The following ADARB2 variants were observed in gnomAD, a reference collection of about 807,000 sequenced individuals.
ADARB2 encodes the protein adenosine deaminase RNA specific B2 (inactive), also known as inactive double-stranded RNA-specific editase B2.
In ADARB2, 25 loss-of-function variants were observed where a neutral mutation model predicts 62.2. That is an observed-to-expected ratio of 0.40 (90% CI 0.29 to 0.56). The LOEUF is 0.56. Ranked by LOEUF, ADARB2 falls within the 20% of genes least tolerant of loss-of-function variation. ADARB2 has a pLI of 0.43. For synonymous variants in ADARB2, 572 were observed against 500.8 expected, an observed-to-expected ratio of 1.14 and a Z score of -1.90; for missense variants, 1,071 against 1,077.4, an observed-to-expected ratio of 0.99 and a Z score of 0.08.
At chr10:1,229,667 TATGCTTATGTATGTGTTTGTGTGTGCAC>T (rs1253594782) in intron 6 of ADARB2, among the ~76,000 whole-genome samples, 2 of 152,200 alleles carry the variant, frequency 1.3e-5, no homozygotes, top group Non-Finnish European at 1.5e-5. Flanking sequence ...TGTGTGCACA[TATGCTTATGTATGTGTTTGTGTGTGCAC>T]ATGTGCTTAT....
chr10:1,461,672 TCC>T (rs1272854161), intron 1 of ADARB2, among the ~76,000 whole-genome samples: 1 of 136,066 alleles, frequency 7.3e-6, no homozygotes, highest in Non-Finnish European at 1.6e-5. Context: ...CTTTTTTTTT[TCC>T]TTTTTTTCTT....
chr10:1,355,116 CCCACACAGT>C (rs1341013316), intron 3 of ADARB2, among the ~76,000 whole-genome samples: 1 of 151,972 alleles, frequency 6.6e-6, no homozygotes, highest in Admixed American at 6.6e-5. Context: ...CCCACCTCCT[CCCACACAGT>C]CGGGCTCTGC....
chr10:1,399,073 C>G lies in ADARB2; in HGVS notation c.101-19913G>C, dbSNP rs539887116. ...TGAATGACATGGAATGTAGGAAACA[C>G]GAAATAAAATGAACTGAGAAGATTT... On this transcript the variant is annotated intron_variant, in intron 1 of 9. Coordinates refer to ENST00000381312, the MANE Select transcript of ADARB2 (RefSeq NM_018702.4). Among the ~76,000 whole-genome samples, 54 of 152,244 alleles carry G rather than the reference C, an allele frequency of 3.5e-4. 1 individual carries two copies. In the South Asian group the frequency reaches 0.011, roughly 32 times the overall value.
At chr10:1,446,317 AC>A (rs35561187) in intron 1 of ADARB2, among the ~76,000 whole-genome samples, 137,034 of 152,218 alleles carry the variant, frequency 0.9, 61,900 homozygotes, top group Admixed American at 0.94. Context: ...CCCAAATGGT[AC>A]CCCCAATACA....
At chr10:1,299,092 G>A (rs1029930222) in intron 3 of ADARB2, among the ~76,000 whole-genome samples, 1 of 151,838 alleles carries the variant, frequency 6.6e-6, no homozygotes, top group Non-Finnish European at 1.5e-5. Flanking sequence ...CCCTTATGAT[G>A]ATAGTGAAGC....
At chr10:1,200,481 A>T (rs1836971632) in intron 7 of ADARB2, 1 of 452,580 alleles carries the variant, frequency 2.2e-6, no homozygotes, top group Non-Finnish European at 3.9e-6. Context: ...GTGAATCTGA[A>T]TTTTTCTTTA....
chr10:1,536,996 A>C (rs989716687), intron 1 of ADARB2, among the ~76,000 whole-genome samples: 3 of 152,252 alleles, frequency 2.0e-5, no homozygotes, highest in African/African-American at 7.2e-5. Flanking sequence ...TCTGCACAGC[A>C]AAAGAAACTA....
chr10:1,510,735 C>G (rs1214052840), intron 1 of ADARB2, among the ~76,000 whole-genome samples: 1 of 152,140 alleles, frequency 6.6e-6, no homozygotes, highest in Non-Finnish European at 1.5e-5. Flanking sequence ...GACTCCCCCA[C>G]CCCCTACAGT....
chr10:1,654,572 C>T (rs932465928), intron 1 of ADARB2, among the ~76,000 whole-genome samples: 2 of 152,262 alleles, frequency 1.3e-5, no homozygotes, highest in Non-Finnish European at 1.5e-5. Flanking sequence ...CAGTTCAGGG[C>T]TCACTCCCCA....
At chr10:1,686,810 T>C (rs910681165) in intron 1 of ADARB2, among the ~76,000 whole-genome samples, 1 of 152,214 alleles carries the variant, frequency 6.6e-6, no homozygotes, top group African/African-American at 2.4e-5. Flanking sequence ...CATTAACAAA[T>C]GTTTATTGTT....
At chr10:1,291,664 C>G (rs1447878180) in intron 3 of ADARB2, 1 of 152,286 alleles carries the variant, frequency 6.6e-6, no homozygotes, top group South Asian at 2.1e-4. Flanking sequence ...GTAAGCATCT[C>G]AGACGAAGCC....
At chr10:1,616,475 C>T in intron 1 of ADARB2, among the ~76,000 whole-genome samples, 1 of 148,180 alleles carries the variant, frequency 6.7e-6, no homozygotes, top group Non-Finnish European at 1.5e-5. Context: ...AGACACACTC[C>T]ACACCACCCT....
intron 1 of ADARB2, among the ~76,000 whole-genome samples, chr10:1,717,819 C>G (rs1261895065): frequency 6.6e-6 from 1 of 152,112 alleles, no homozygotes; most frequent in Non-Finnish European, 1.5e-5. Flanking sequence ...CTCAAGTGAT[C>G]CACCTGCCTG....
intron 1 of ADARB2, among the ~76,000 whole-genome samples, chr10:1,573,242 G>A (rs750594620): frequency 1.1e-4 from 17 of 152,220 alleles, no homozygotes; most frequent in Non-Finnish European, 1.9e-4. Flanking sequence ...GGGGACCAGG[G>A]CTCTCAGCTG....
At chr10:1,411,083 C>T in intron 1 of ADARB2, among the ~76,000 whole-genome samples, 1 of 152,228 alleles carries the variant, frequency 6.6e-6, no homozygotes, top group East Asian at 1.9e-4. Flanking sequence ...CTGCTCTCCT[C>T]TCTGCAGCCT....
chr10:1,637,266 A>C (rs1158994334), intron 1 of ADARB2, among the ~76,000 whole-genome samples: 1 of 152,184 alleles, frequency 6.6e-6, no homozygotes, highest in Non-Finnish European at 1.5e-5. Context: ...AGAATCCTTT[A>C]AATTCCACAC....
chr10:1,692,547 C>A (rs924941938), intron 1 of ADARB2, among the ~76,000 whole-genome samples: 1 of 152,110 alleles, frequency 6.6e-6, no homozygotes, highest in Non-Finnish European at 1.5e-5. Flanking sequence ...TGGCAGACTA[C>A]GGAGCAGGAG....
rs190582895 is a variant in ADARB2 at position 1,604,290 on chromosome 10, G to A, written c.100+132761C>T. Among the ~76,000 whole-genome samples the A allele has an allele frequency of 2.9e-3, 444 of 152,304 alleles. 2 individuals are homozygous for A. Among genetic ancestry groups the A allele is most frequent in the African/African-American group, 9.8e-3 (407 of 41,572 alleles). ...TTTCTCCAGAAGTTAGTGAATGTCA[G>A]AGCCTTTTTTGCATTATCTCATTTT... is the stretch of plus-strand genomic sequence containing the variant. On this transcript the variant is annotated intron_variant, in intron 1 of 9. Transcript: ENST00000381312.
At position 1,462,436 on chromosome 10, in the gene ADARB2, AG is replaced by A. The variant is rs1418716844; in HGVS notation, c.101-83277del. Among the ~76,000 whole-genome samples the A allele has an allele frequency of 3.9e-5, 6 of 152,392 alleles. No homozygotes were observed. The East Asian group carries it at 1.2e-3, about 29-fold the overall frequency. ...GGCTGCGTCCTAACCAAAGACAGCCAGGCAATGATGGTGACTTTCAGAATGG... is the reference window on the plus strand; with the variant it reads ...GGCTGCGTCCTAACCAAAGACAGCCAGCAATGATGGTGACTTTCAGAATGG... On this transcript the variant is annotated intron_variant, in intron 1 of 9. Transcript: ENST00000381312.
Sources: gnomAD v4.1 joint callset for allele counts (sites outside exome capture counted in the v4.1 genomes callset) on GRCh38, gnomAD v4.1.1 for gene constraint, MANE v1.5 for transcripts, NCBI Gene and HGNC (gene_info 2026-07-23, HGNC 2026-07-21) for gene names.